The following PLCB1 variants were observed in gnomAD, a reference collection of about 807,000 sequenced individuals.
PLCB1 encodes 1-phosphatidylinositol 4,5-bisphosphate phosphodiesterase beta-1.
Under a neutral mutation model 161.8 loss-of-function variants are expected in PLCB1, and 46 were observed. The ratio of observed to expected loss-of-function variants is 0.28; its 90% CI spans 0.22 to 0.36. The LOEUF is 0.36. PLCB1 is among the 10% of genes least tolerant of loss of function. The probability of loss-of-function intolerance (pLI) is 1.00; values close to 1 mark genes in which losing one functional copy is unlikely to be tolerated. For synonymous variants in PLCB1, 517 were observed against 503.7 expected (o/e 1.03, Z -0.35); for missense variants, 1,016 against 1,472.5 (o/e 0.69, Z 5.07).
chr20:8,560,793 G>A (rs1986117120), intron 3 of PLCB1, among the ~76,000 whole-genome samples: 1 of 151,970 alleles, frequency 6.6e-6, no homozygotes, highest in Non-Finnish European at 1.5e-5. Context: ...CCATATGTGT[G>A]TATTTTTATA....
At chr20:8,601,117 G>C (rs1987572381) in intron 3 of PLCB1, among the ~76,000 whole-genome samples, 1 of 152,166 alleles carries the variant, frequency 6.6e-6, no homozygotes, top group South Asian at 2.1e-4. Flanking sequence ...GGCCATCTTG[G>C]CTCCTCCCCC....
chr20:8,651,900 A>T (rs1989332511), intron 7 of PLCB1: 1 of 173,138 alleles, frequency 5.8e-6, no homozygotes, highest in African/African-American at 2.4e-5. Context: ...ATAAAGAGAA[A>T]ACATGAGAGA....
At chr20:8,512,148 G>A (rs908879565) in intron 3 of PLCB1, among the ~76,000 whole-genome samples, 8 of 152,052 alleles carry the variant, frequency 5.3e-5, no homozygotes, top group East Asian at 1.9e-4. Context: ...CATTCTTTTC[G>A]CATTAAAACA....
At chr20:8,170,415 A>C (rs1012422968) in intron 2 of PLCB1, among the ~76,000 whole-genome samples, 7 of 152,194 alleles carry the variant, frequency 4.6e-5, no homozygotes, top group African/African-American at 1.4e-4. Context: ...GTTTCATTCA[A>C]AATGTAAGTG....
intron 2 of PLCB1, among the ~76,000 whole-genome samples, chr20:8,248,364 TGAA>T (rs1980984231): frequency 6.6e-6 from 1 of 151,848 alleles, no homozygotes; most frequent in Admixed American, 6.6e-5. Flanking sequence ...GAGAAATTTC[TGAA>T]GAAGGCTGCT....
At chr20:8,174,763 A>G (rs1336234543) in intron 2 of PLCB1, among the ~76,000 whole-genome samples, 1 of 152,198 alleles carries the variant, frequency 6.6e-6, no homozygotes, top group Non-Finnish European at 1.5e-5. Flanking sequence ...TGCATATTGT[A>G]TTAGGCCAGG....
At chr20:8,666,673 A>G (rs1343121866) in intron 9 of PLCB1, among the ~76,000 whole-genome samples, 16 of 152,232 alleles carry the variant, frequency 1.1e-4, no homozygotes, top group Admixed American at 1.0e-3. Flanking sequence ...AGGCACTCCA[A>G]CAGGACTTGC....
rs1980081881 is a variant in PLCB1, at chr20:8,232,211, G to A, written c.177+81840G>A. Among the ~76,000 whole-genome samples, 4 of 147,288 alleles carry A rather than the reference G, an allele frequency of 2.7e-5. No homozygotes were observed. In the South Asian group the frequency reaches 6.6e-4, roughly 24 times the overall value. Reference sequence around the variant, plus strand: ...CCAGCCTGTCCAACATAGCAAGAGCGCATCTCTTTAAAAAAGAGAGAGAGA... The same window carrying A: ...CCAGCCTGTCCAACATAGCAAGAGCACATCTCTTTAAAAAAGAGAGAGAGA... On this transcript the variant is annotated intron_variant, in intron 2 of 31. Transcript: ENST00000338037.
chr20:8,359,640 T>C (rs1172411562), intron 2 of PLCB1, among the ~76,000 whole-genome samples: 1 of 152,196 alleles, frequency 6.6e-6, no homozygotes, highest in Admixed American at 6.5e-5. Context: ...GATTACAGGG[T>C]ATTTATGCAT....
chr20:8,427,144 C>T (rs6055809), intron 3 of PLCB1, among the ~76,000 whole-genome samples: 16,648 of 152,146 alleles, frequency 0.11, 1,378 homozygotes, highest in African/African-American at 0.23. Flanking sequence ...CTGCTGACCT[C>T]AGGTGATCTG....
chr20:8,789,669 C>G (rs1220198694), intron 30 of PLCB1, 94 bp downstream of exon 30: 1 of 974,520 alleles, frequency 1.0e-6, no homozygotes, highest in East Asian at 2.4e-5. Flanking sequence ...TCATGCCTTG[C>G]CATAACTTTT....
At chr20:8,641,225 A>G (rs1988945406) in intron 4 of PLCB1, among the ~76,000 whole-genome samples, 1 of 152,240 alleles carries the variant, frequency 6.6e-6, no homozygotes, top group South Asian at 2.1e-4. Flanking sequence ...TTTGTAAACT[A>G]TTCCAGTATA....
intron 19 of PLCB1, among the ~76,000 whole-genome samples, chr20:8,735,732 G>C (rs1163761280): frequency 3.3e-5 from 5 of 152,166 alleles, no homozygotes; most frequent in Non-Finnish European, 7.4e-5. Context: ...AACATGTTTT[G>C]AAATGCTTGC....
chr20:8,663,692 C>T (rs772643330), intron 9 of PLCB1, among the ~76,000 whole-genome samples: 3 of 152,116 alleles, frequency 2.0e-5, no homozygotes, highest in Non-Finnish European at 4.4e-5. Context: ...ACAGAGGATA[C>T]TATTCTCCTG....
At chr20:8,822,938 GA>G (rs1985505221) in intron 31 of PLCB1, among the ~76,000 whole-genome samples, 1 of 152,024 alleles carries the variant, frequency 6.6e-6, no homozygotes, top group Admixed American at 6.5e-5. Context: ...ATATTTGGGG[GA>G]AAAAACGGTG....
At chr20:8,634,272 A>G (rs1232930847) in intron 4 of PLCB1, among the ~76,000 whole-genome samples, 1 of 152,238 alleles carries the variant, frequency 6.6e-6, no homozygotes. Flanking sequence ...CATGTCACAG[A>G]AGAAATGCGC....
intron 4 of PLCB1, among the ~76,000 whole-genome samples, chr20:8,629,924 CTCT>C (rs1568536156): frequency 7.1e-6 from 1 of 140,976 alleles, no homozygotes; most frequent in African/African-American, 2.6e-5. Flanking sequence ...TTTCTTTCCT[CTCT>C]TCTTTCCTTT....
chr20:8,871,236 T>C (rs1987598276), intron 31 of PLCB1, among the ~76,000 whole-genome samples: 2 of 152,204 alleles, frequency 1.3e-5, no homozygotes, highest in African/African-American at 4.8e-5. Context: ...AAGTTGAGAT[T>C]CATGTTTTCT....
intron 3 of PLCB1, among the ~76,000 whole-genome samples, chr20:8,558,984 T>C (rs1014944518): frequency 6.6e-6 from 1 of 151,910 alleles, no homozygotes; most frequent in African/African-American, 2.4e-5. Flanking sequence ...CGATAGTAAC[T>C]TAAAGGTGTA....
Sources: gnomAD v4.1 joint callset for allele counts (sites outside exome capture counted in the v4.1 genomes callset) on GRCh38, gnomAD v4.1.1 for gene constraint, MANE v1.5 for transcripts, NCBI Gene and HGNC (gene_info 2026-07-23, HGNC 2026-07-21) for gene names.